The following JPH1 variants were observed in gnomAD, a reference collection of about 807,000 sequenced individuals.
JPH1 encodes junctophilin-1.
Under a neutral mutation model 53.6 loss-of-function variants are expected in JPH1, and 12 were observed. That is an observed-to-expected ratio of 0.22 (90% CI 0.14 to 0.36). The LOEUF is 0.36. Among genes scored for constraint, JPH1 ranks in the 10% least tolerant of loss-of-function variants. JPH1 has a pLI of 1.00. For missense variants in JPH1, 808 were observed against 905.5 expected (o/e 0.89, Z 1.38); for synonymous variants, 375 against 363.8 (o/e 1.03, Z -0.35).
At chr8:74,248,070 C>A (rs1478290864) in intron 3 of JPH1, among the ~76,000 whole-genome samples, 1 of 152,162 alleles carries the variant, frequency 6.6e-6, no homozygotes, top group Non-Finnish European at 1.5e-5. Context: ...GGTCTAATCA[C>A]TTCTTTAACC....
At chr8:74,283,415 G>T (rs1455820337) in intron 2 of JPH1, among the ~76,000 whole-genome samples, 1 of 152,096 alleles carries the variant, frequency 6.6e-6, no homozygotes, top group Admixed American at 6.6e-5. Flanking sequence ...AGAGGGGAAT[G>T]GGAAAAAGGG....
At chr8:74,310,297 A>G (rs1807954829) in intron 2 of JPH1, among the ~76,000 whole-genome samples, 1 of 152,114 alleles carries the variant, frequency 6.6e-6, no homozygotes, top group Non-Finnish European at 1.5e-5. Context: ...TTAAAAAAAA[A>G]AAAAAAAGGT....
chr8:74,259,620 C>G (rs112088138), intron 2 of JPH1, 117 bp from the exon 3 acceptor site: 171 of 740,666 alleles, frequency 2.3e-4, no homozygotes, highest in Non-Finnish European at 3.4e-4. Flanking sequence ...CCGACACCCA[C>G]AAGAGCAAAA....
At chr8:74,267,870 T>C (rs1806579895) in intron 2 of JPH1, among the ~76,000 whole-genome samples, 1 of 152,070 alleles carries the variant, frequency 6.6e-6, no homozygotes, top group Non-Finnish European at 1.5e-5. Flanking sequence ...TTGCTGGAGT[T>C]AAGTGCTGGA....
intron 2 of JPH1, among the ~76,000 whole-genome samples, chr8:74,266,578 T>C (rs1238025690): frequency 6.6e-6 from 1 of 152,144 alleles, no homozygotes. Flanking sequence ...GGGTACAGAT[T>C]GTTAGTTTTG....
chr8:74,281,201 T>C (rs534994717), intron 2 of JPH1, among the ~76,000 whole-genome samples: 4 of 152,358 alleles, frequency 2.6e-5, no homozygotes, highest in East Asian at 1.9e-4. Context: ...TTTCACTAAA[T>C]TGATCTTTCA....
intron 1 of JPH1, among the ~76,000 whole-genome samples, chr8:74,319,817 T>C (rs1808263484): frequency 6.6e-6 from 1 of 152,240 alleles, no homozygotes; most frequent in Non-Finnish European, 1.5e-5. Context: ...ATGATTATGT[T>C]TATCAGGAAA....
At chr8:74,273,262 A>G (rs1388973139) in intron 2 of JPH1, among the ~76,000 whole-genome samples, 5 of 152,230 alleles carry the variant, frequency 3.3e-5, no homozygotes. Context: ...GAATATATAA[A>G]TATGTACACA....
At chr8:74,260,832 T>C (rs910522031) in intron 2 of JPH1, among the ~76,000 whole-genome samples, 14 of 152,192 alleles carry the variant, frequency 9.2e-5, no homozygotes, top group African/African-American at 3.4e-4. Context: ...TTCACTTCTA[T>C]TTAGGATCTA....
chr8:74,291,948 T>C (rs1428679874), intron 2 of JPH1, among the ~76,000 whole-genome samples: 2 of 152,084 alleles, frequency 1.3e-5, no homozygotes, highest in Non-Finnish European at 2.9e-5. Context: ...ACACCACATG[T>C]TCTCATTCAT....
At position 74,240,928 on chromosome 8, in the gene JPH1, T is replaced by C. The variant is rs533845191; in HGVS notation, c.1905+3601A>G. The stretch of plus-strand genomic sequence containing the variant: ...TGAGTATTTTGAATTTGTATATTCT[T>C]TTGGTTTGAATTTAGATTACTATCT... On this transcript the variant is annotated intron_variant, in intron 4 of 5. Coordinates refer to ENST00000342232, the MANE Select transcript of JPH1 (RefSeq NM_020647.4). Among the ~76,000 whole-genome samples the C allele has an allele frequency of 3.8e-4, 58 of 152,360 alleles. No homozygotes were observed. The South Asian group carries it at 0.012, about 32-fold the overall frequency.
rs1418439890 is a variant in JPH1, at chr8:74,271,325, C to T, written c.1140-11822G>A. ...GGGTCCAGGGCCTTGCCTGCTGCTT[C>T]GCCGCTATCTGACAGCTACTTTAGT... On this transcript the variant is annotated intron_variant, in intron 2 of 5. Coordinates refer to ENST00000342232, the MANE Select transcript of JPH1 (RefSeq NM_020647.4). Among the ~76,000 whole-genome samples the T allele has an allele frequency of 9.9e-5, 15 of 151,804 alleles. No individual in the cohort carries two copies. In the East Asian group the frequency reaches 2.4e-3, roughly 24 times the overall value.
rs115458777 is a variant in JPH1, at chr8:74,274,071, C to T, written c.1140-14568G>A. 1.9e-3 allele frequency among the ~76,000 whole-genome samples: 283 copies of T among 152,302 alleles called. 1 individual carries two copies. The highest frequency in any genetic ancestry group is 6.3e-3 in the African/African-American group (262 of 41,562). On this transcript the variant is annotated intron_variant, in intron 2 of 5. Transcript: ENST00000342232. ...AATTGGCCTGCTCTGCGAAGAAACACGGCAAATGCATGTGGCACCTTTTCC... is the reference window on the plus strand; with the variant it reads ...AATTGGCCTGCTCTGCGAAGAAACATGGCAAATGCATGTGGCACCTTTTCC...
chr8:74,299,129 T>C (rs975230462), intron 2 of JPH1, among the ~76,000 whole-genome samples: 3 of 152,186 alleles, frequency 2.0e-5, no homozygotes, highest in African/African-American at 7.2e-5. Context: ...TTCGATCCAC[T>C]GTGAACAAAT....
At chr8:74,303,889 A>G (rs979904921) in intron 2 of JPH1, among the ~76,000 whole-genome samples, 5 of 152,138 alleles carry the variant, frequency 3.3e-5, no homozygotes, top group African/African-American at 1.2e-4. Context: ...TATCCTTGGG[A>G]TAATGTCCAA....
chr8:74,268,584 T>C (rs1324487886), intron 2 of JPH1, among the ~76,000 whole-genome samples: 5 of 152,142 alleles, frequency 3.3e-5, no homozygotes. Flanking sequence ...TGATACTAGA[T>C]ATAGTCCTGA....
chr8:74,281,013 T>A (rs1807001957), intron 2 of JPH1, among the ~76,000 whole-genome samples: 2 of 152,234 alleles, frequency 1.3e-5, no homozygotes, highest in African/African-American at 4.8e-5. Context: ...AACCTGAGTG[T>A]GTTCAATGAC....
chr8:74,237,036 C>A lies in JPH1; in HGVS notation c.*16-1G>T, dbSNP rs1807020386. 2 of 571,064 alleles carry A rather than the reference C, an allele frequency of 3.5e-6. No homozygotes were observed. The highest frequency in any genetic ancestry group is 6.3e-6 in the Non-Finnish European group (2 of 318,802). 35.4% of individuals were successfully genotyped at this position (571,064 alleles called of 1,614,324 possible). On this transcript the variant is annotated splice_acceptor_variant, in intron 5 of 5. Transcript: ENST00000342232. LOFTEE classifies it low-confidence loss of function (3UTR_SPLICE). Reference sequence around the variant, plus strand: ...CACACCACTAGTTGTCAGGACTTCACTGAAGGGTCAAAACAGTTATAGCAA... The same window carrying A: ...CACACCACTAGTTGTCAGGACTTCAATGAAGGGTCAAAACAGTTATAGCAA...
In JPH1 at chr8:74,321,155, C is replaced by G; in HGVS notation, c.133G>C (p.Gly45Arg). Residue 45 changes from glycine (G) to arginine (R), a missense_variant, in exon 1 of 6, where the codon GGC becomes CGC. Gly to Arg is a moderately radical substitution (Grantham distance 125). Coordinates refer to ENST00000342232, the MANE Select transcript of JPH1 (RefSeq NM_020647.4). This position sits in a 1 kb window ranked among gnomAD's most constrained non-coding sequence, Gnocchi z 4.3. ...GTGTAGCCTCCGACCACCTCGAAGC[C>G]GTGCGACCAGGAGCCCGAGTACTCG... Reference protein sequence around the residue: ...QGEYSGSWSHGFEVVGGYTWP... With the variant: ...QGEYSGSWSHRFEVVGGYTWP... 6.2e-7 allele frequency: 1 copy of G among 1,613,408 alleles called. No homozygotes were observed. The highest frequency in any genetic ancestry group is 8.5e-7 in the Non-Finnish European group (1 of 1,179,796).
Sources: gnomAD v4.1 joint callset for allele counts (sites outside exome capture counted in the v4.1 genomes callset) on GRCh38, gnomAD v4.1.1 for gene constraint, Gnocchi (gnomAD v3.1) non-coding constraint, MANE v1.5 for transcripts, NCBI Gene and HGNC (gene_info 2026-07-23, HGNC 2026-07-21) for gene names.